Variants in MED27 observed in about 807,000 individuals in gnomAD.
The protein encoded by MED27 is mediator of RNA polymerase II transcription subunit 27.
In MED27, 30 loss-of-function variants were observed where a neutral mutation model predicts 38.2. The ratio of observed to expected loss-of-function variants is 0.79; its 90% confidence interval spans 0.59 to 1.07. The LOEUF (loss-of-function observed/expected upper bound fraction) is 1.07. Among genes scored for constraint, MED27 ranks in the 50% least tolerant of loss-of-function variants. MED27 has a pLI of 0.00. For synonymous variants in MED27, 122 were observed against 153.5 expected, an observed-to-expected ratio of 0.79 and a Z score of 1.52; for missense variants, 289 against 397.5, an observed-to-expected ratio of 0.73 and a Z score of 2.32.
intron 6 of MED27, among the ~76,000 whole-genome samples, chr9:131,875,633 A>C (rs1253777246): frequency 6.6e-6 from 1 of 152,170 alleles, no homozygotes; most frequent in Admixed American, 6.5e-5. Flanking sequence ...CTTACACTTC[A>C]TACCTACGAA....
In MED27 at chr9:132,014,255, G is replaced by GT. The variant is rs879142232; in HGVS notation, c.479+81dup. ...GAGGGAGGGAATTTTGAAGAAAACA[G>GT]TAACTTTCCACTACCCAAAAACAAG... On this transcript the variant is annotated intron_variant, in intron 3 of 7. Transcript: ENST00000292035. 41 of 1,420,704 alleles carry GT rather than the reference G, an allele frequency of 2.9e-5. No individual in the cohort carries two copies. In the South Asian group the frequency reaches 5.2e-4, roughly 18 times the overall value. 88.0% of individuals were successfully genotyped at this position (1,420,704 alleles called of 1,614,324 possible).
intron 2 of MED27, among the ~76,000 whole-genome samples, chr9:132,033,310 C>T (rs973634797): frequency 2.0e-5 from 3 of 152,206 alleles, no homozygotes; most frequent in African/African-American, 4.8e-5. Context: ...TCCGAGGCTT[C>T]GGATTCAATA....
chr9:131,939,341 T>C lies in MED27; in HGVS notation c.573+40A>G, dbSNP rs746603628. On this transcript the variant is annotated intron_variant, in intron 4 of 7. Transcript: ENST00000292035. ...GAGAGTTAATTGTGAAGTCCATTTTTTCCCCCAACATCCCTACAAATCAGT... is the reference window on the plus strand; with the variant it reads ...GAGAGTTAATTGTGAAGTCCATTTTCTCCCCCAACATCCCTACAAATCAGT... 6.4e-6 allele frequency: 9 copies of C among 1,412,884 alleles called. No individual in the cohort carries two copies. In the South Asian group the frequency reaches 8.8e-5, roughly 14 times the overall value. 87.5% of individuals were successfully genotyped at this position (1,412,884 alleles called of 1,614,324 possible). A position where few individuals can be genotyped will look rare whatever the true frequency, so the allele number is the denominator to read the frequency against.
intron 3 of MED27, among the ~76,000 whole-genome samples, chr9:131,998,086 A>C (rs1259124953): frequency 2.6e-5 from 4 of 152,138 alleles, no homozygotes; most frequent in East Asian, 1.9e-4. Flanking sequence ...TCTAATTCTT[A>C]GTACACGAGT....
intron 3 of MED27, among the ~76,000 whole-genome samples, chr9:131,955,279 CA>C (rs1831074064): frequency 6.6e-6 from 1 of 151,470 alleles, no homozygotes; most frequent in South Asian, 2.1e-4. Context: ...AAACCATGCT[CA>C]GAGGGAAATT....
chr9:132,071,565 A>G (rs1267639093), intron 2 of MED27, among the ~76,000 whole-genome samples: 1 of 146,936 alleles, frequency 6.8e-6, no homozygotes, highest in African/African-American at 2.5e-5. Flanking sequence ...CACACCAAAC[A>G]CACAAGTAAC....
intron 2 of MED27, among the ~76,000 whole-genome samples, chr9:132,047,921 TG>T (rs1381062023): frequency 2.0e-5 from 3 of 152,194 alleles, no homozygotes; most frequent in African/African-American, 7.2e-5. Context: ...AAAATGCTGA[TG>T]GTGTTTAAAG....
intron 2 of MED27, among the ~76,000 whole-genome samples, chr9:132,025,329 T>C (rs1428513123): frequency 6.6e-6 from 1 of 152,134 alleles, no homozygotes; most frequent in Non-Finnish European, 1.5e-5. Flanking sequence ...ATTACAGGCA[T>C]GCGCCACCAC....
intron 4 of MED27, among the ~76,000 whole-genome samples, chr9:131,905,717 A>C (rs1167179315): frequency 1.8e-5 from 2 of 109,530 alleles, no homozygotes; most frequent in Non-Finnish European, 1.9e-5. Flanking sequence ...AAAAAAAAAA[A>C]AAAAAAAAAA....
At chr9:131,999,582 A>T (rs1832175814) in intron 3 of MED27, among the ~76,000 whole-genome samples, 1 of 152,210 alleles carries the variant, frequency 6.6e-6, no homozygotes, top group Non-Finnish European at 1.5e-5. Flanking sequence ...TTCATCACTG[A>T]ATACCAGCAC....
At chr9:131,906,219 T>C (rs765823517) in intron 4 of MED27, among the ~76,000 whole-genome samples, 12 of 152,212 alleles carry the variant, frequency 7.9e-5, no homozygotes, top group Non-Finnish European at 1.8e-4. Flanking sequence ...CAACAACTTG[T>C]GCTCTCAGGC....
In MED27 at chr9:131,997,179, C is replaced by T. The variant is rs770696800; in HGVS notation, c.479+17158G>A. Among the ~76,000 whole-genome samples, 3 of 151,638 alleles carry T rather than the reference C, an allele frequency of 2.0e-5. No individual in the cohort carries two copies. The highest frequency in any genetic ancestry group is 2.9e-5 in the Non-Finnish European group (2 of 67,992). The stretch of plus-strand genomic sequence containing the variant: ...AAAGGTTGTACAAATCTGCCGCTTC[C>T]GGAGAATAAAGAATTAACTTCCAGC... On this transcript the variant is annotated intron_variant, in intron 3 of 7. Transcript: ENST00000292035. The surrounding 1 kb of genome is among the most constrained non-coding windows in gnomAD (Gnocchi z 4.0).
At chr9:131,963,722 G>A (rs931988564) in intron 3 of MED27, among the ~76,000 whole-genome samples, 2 of 152,122 alleles carry the variant, frequency 1.3e-5, no homozygotes, top group Non-Finnish European at 1.5e-5. Context: ...TGAATGTTAT[G>A]AGCATCGGCT....
chr9:131,863,755 G>A (rs934888182), intron 6 of MED27, among the ~76,000 whole-genome samples: 7 of 152,144 alleles, frequency 4.6e-5, no homozygotes, highest in Middle Eastern at 3.2e-3. Context: ...GCAGGAGCCC[G>A]GCGCGCCTGG....
intron 2 of MED27, among the ~76,000 whole-genome samples, chr9:132,065,217 G>A (rs1033524098): frequency 2.0e-5 from 3 of 152,106 alleles, no homozygotes; most frequent in South Asian, 2.1e-4. Flanking sequence ...AATTTAACAC[G>A]TATAGCGGCA....
intron 3 of MED27, among the ~76,000 whole-genome samples, chr9:131,992,631 G>A (rs1564315682): frequency 6.6e-6 from 1 of 152,088 alleles, no homozygotes; most frequent in Non-Finnish European, 1.5e-5. Context: ...TGAACTCCTG[G>A]CCTCAAGCAA....
chr9:131,870,417 CGTGG>C (rs1408190561), intron 6 of MED27, among the ~76,000 whole-genome samples: 1 of 152,198 alleles, frequency 6.6e-6, no homozygotes, highest in Admixed American at 6.5e-5. Context: ...TGTGTCCCCT[CGTGG>C]TTTTAGCCCG....
intron 2 of MED27, among the ~76,000 whole-genome samples, chr9:132,034,412 C>T (rs908475143): frequency 3.9e-5 from 6 of 152,220 alleles, no homozygotes; most frequent in African/African-American, 1.4e-4. Context: ...CCAGTCCTCA[C>T]GTCTCCAAGA....
At chr9:132,001,260 T>C (rs969296943) in intron 3 of MED27, among the ~76,000 whole-genome samples, 4 of 152,138 alleles carry the variant, frequency 2.6e-5, no homozygotes, top group Non-Finnish European at 4.4e-5. Flanking sequence ...GTAAGAAATA[T>C]GTTCATTGTC....
Sources: allele counts gnomAD v4.1 joint callset (sites outside exome capture counted in the v4.1 genomes callset), GRCh38; gene constraint gnomAD v4.1.1; non-coding constraint Gnocchi (gnomAD v3.1); transcripts MANE v1.5; gene names NCBI Gene and HGNC (gene_info 2026-07-23, HGNC 2026-07-21).